SYBU: variants seen among roughly 807,000 people sequenced by gnomAD.
SYBU encodes the protein syntabulin.
Under a neutral mutation model 35.9 loss-of-function variants are expected in SYBU, and 21 were observed. That is an observed-to-expected ratio of 0.58 (90% CI 0.41 to 0.84). The LOEUF is 0.84. Among genes scored for constraint, SYBU ranks in the 40% least tolerant of loss-of-function variants. The probability of loss-of-function intolerance (pLI) is 0.00; values close to 1 mark genes in which losing one functional copy is unlikely to be tolerated. For synonymous variants in SYBU, 319 were observed against 324.3 expected, an observed-to-expected ratio of 0.98 and a Z score of 0.18; for missense variants, 768 against 848.2, an observed-to-expected ratio of 0.91 and a Z score of 1.17.
intron 2 of SYBU, among the ~76,000 whole-genome samples, chr8:109,640,532 C>T (rs1387173856): frequency 6.6e-6 from 1 of 152,040 alleles, no homozygotes; most frequent in East Asian, 1.9e-4. Flanking sequence ...CCACACTCAC[C>T]AGGGTGAGCT....
rs112275065 is a variant in SYBU, at chr8:109,579,467, C to T, written c.734+332G>A. 8.0e-4 allele frequency among the ~76,000 whole-genome samples: 121 copies of T among 152,194 alleles called. 1 individual carries two copies. Among genetic ancestry groups the T allele is most frequent in the Middle Eastern group, 3.4e-3 (1 of 294 alleles). On this transcript the variant is annotated intron_variant, in intron 5 of 6. Coordinates refer to ENST00000276646, the MANE Select transcript of SYBU (RefSeq NM_001099754.2). The stretch of plus-strand genomic sequence containing the variant: ...TGAGATGGAGTCTTGCTCTGTTGCC[C>T]AGGCTGGAGTTCAGTGGCGTGATCT...
intron 1 of SYBU, among the ~76,000 whole-genome samples, chr8:109,668,553 G>A (rs1248043731): frequency 6.6e-6 from 1 of 152,146 alleles, no homozygotes; most frequent in Non-Finnish European, 1.5e-5. Flanking sequence ...ATGTATGTGT[G>A]CTATGGAGAG....
chr8:109,664,538 T>TC (rs1816690069), intron 1 of SYBU, among the ~76,000 whole-genome samples: 1 of 152,156 alleles, frequency 6.6e-6, no homozygotes, highest in Non-Finnish European at 1.5e-5. Flanking sequence ...TACTTTTTTT[T>TC]CTCAGAAAAT....
intron 3 of SYBU, among the ~76,000 whole-genome samples, chr8:109,612,174 T>C (rs1028975772): frequency 6.6e-6 from 1 of 152,136 alleles, no homozygotes; most frequent in Non-Finnish European, 1.5e-5. Flanking sequence ...ATCTGTAAAA[T>C]GAAGGATAAT....
Position 109,575,471 on chromosome 8 carries a change from C to T in SYBU, c.1427G>A (p.Gly476Asp), listed in dbSNP as rs1443609714. 7.4e-6 allele frequency: 12 copies of T among 1,614,000 alleles called. No individual in the cohort carries two copies. Among genetic ancestry groups the T allele is most frequent in the Non-Finnish European group, 1.0e-5 (12 of 1,180,032 alleles). ...CACCACCACACTGCCCTCCTCCTGA[C>T]CCATGACTATGGGCAGCAGCTCCAG... ...NVLELLPIVM[G>D]QEEGSVVVER... The change falls in exon 7 of 7, where the codon GGT (glycine) becomes GAT (aspartate). Residue 476 changes from glycine (G) to aspartate (D), a missense_variant. Transcript: ENST00000276646.
chr8:109,658,156 A>T (rs1816424150), intron 1 of SYBU, among the ~76,000 whole-genome samples: 1 of 152,162 alleles, frequency 6.6e-6, no homozygotes. Context: ...TATCTTAACT[A>T]TGAGTAGGAT....
intron 2 of SYBU, among the ~76,000 whole-genome samples, chr8:109,622,097 TATTCTTAGTTCCCATTTATCTGAG>T (rs1252453554): frequency 6.6e-6 from 1 of 151,894 alleles, no homozygotes; most frequent in Non-Finnish European, 1.5e-5. Flanking sequence ...CTATGAAAAA[TATTCTTAGTTCCCATTTATCTGAG>T]ATTCTTTTTT....
At chr8:109,605,263 C>T (rs1471273386) in intron 3 of SYBU, among the ~76,000 whole-genome samples, 1 of 152,178 alleles carries the variant, frequency 6.6e-6, no homozygotes, top group Admixed American at 6.5e-5. Context: ...GTAAAAGTCA[C>T]CATGCTAGTG....
intron 3 of SYBU, among the ~76,000 whole-genome samples, chr8:109,610,486 A>G (rs771886851): frequency 2.6e-5 from 4 of 152,184 alleles, no homozygotes; most frequent in Non-Finnish European, 5.9e-5. Flanking sequence ...CCTTCTTGCA[A>G]TGTTACAAAT....
At chr8:109,597,227 C>G (rs762529855) in intron 3 of SYBU, among the ~76,000 whole-genome samples, 3 of 152,164 alleles carry the variant, frequency 2.0e-5, no homozygotes. Context: ...ACAACCTCAT[C>G]GAGGGAGAAA....
upstream of SYBU, chr8:109,645,282 C>G (rs1345392183): frequency 2.0e-5 from 9 of 456,594 alleles, no homozygotes; most frequent in East Asian, 1.4e-4. Flanking sequence ...AGAGATCCCT[C>G]TCGTACCGGA....
chr8:109,593,550 C>T (rs191876546), intron 3 of SYBU, among the ~76,000 whole-genome samples: 2 of 152,318 alleles, frequency 1.3e-5, no homozygotes, highest in East Asian at 3.9e-4. Flanking sequence ...GCTAGTAGGA[C>T]ACTTAACAGT....
chr8:109,648,055 A>G (rs1474983306), upstream of SYBU: 1 of 152,140 alleles, frequency 6.6e-6, no homozygotes, highest in Admixed American at 6.5e-5. Flanking sequence ...AATCTAATAC[A>G]GCATAATATG....
chr8:109,607,808 TCACA>T (rs71305960), intron 3 of SYBU: 5,081 of 376,332 alleles, frequency 0.014, 28 homozygotes, highest in African/African-American at 0.037. Context: ...CACAACTAAC[TCACA>T]CACACACACA....
chr8:109,669,724 G>C (rs1476985363), intron 1 of SYBU, among the ~76,000 whole-genome samples: 1 of 152,178 alleles, frequency 6.6e-6, no homozygotes, highest in African/African-American at 2.4e-5. Context: ...TGTGTTCATT[G>C]ATTTTATAAT....
intron 3 of SYBU, among the ~76,000 whole-genome samples, chr8:109,601,109 A>G (rs540300621): frequency 5.9e-5 from 9 of 152,350 alleles, no homozygotes; most frequent in South Asian, 4.1e-4. Flanking sequence ...TAACTAATGC[A>G]TCGGATGACA....
rs767939689 is a variant in SYBU, at chr8:109,579,845, T to C, written c.688A>G (p.Ser230Gly). The change falls in exon 5 of 7, where the codon AGC becomes GGC. Residue 230 changes from serine (S) to glycine (G), a missense_variant. Physicochemically the swap from Ser to Gly is moderately conservative, Grantham distance 56. Coordinates refer to ENST00000276646, the MANE Select transcript of SYBU (RefSeq NM_001099754.2). ...CTTCCTTTGTAGGAGCCTGAGTTGC[T>C]ACTGCTTGGGGAAGAAGGTGCATAA... is the stretch of plus-strand genomic sequence containing the variant. ...PSYAPSSPSS[S>G]NSGSYKGSDC... 3 of 1,613,464 alleles carry C rather than the reference T, an allele frequency of 1.9e-6. No individual in the cohort carries two copies. The highest frequency in any genetic ancestry group is 2.5e-6 in the Non-Finnish European group (3 of 1,179,788).
At chr8:109,607,740 AT>A (rs1312561868) in intron 3 of SYBU, among the ~76,000 whole-genome samples, 28 of 151,316 alleles carry the variant, frequency 1.9e-4, no homozygotes, top group Admixed American at 1.8e-3. Context: ...AAGACCATGC[AT>A]TCAGAGTATC....
intron 2 of SYBU, among the ~76,000 whole-genome samples, chr8:109,637,117 G>A (rs961584359): frequency 6.6e-6 from 1 of 152,214 alleles, no homozygotes; most frequent in African/African-American, 2.4e-5. Context: ...GTGCACAAGA[G>A]TTATCTGGAA....
Sources: gnomAD v4.1 joint callset for allele counts (sites outside exome capture counted in the v4.1 genomes callset) on GRCh38, gnomAD v4.1.1 for gene constraint, MANE v1.5 for transcripts, NCBI Gene and HGNC (gene_info 2026-07-23, HGNC 2026-07-21) for gene names.